The following DESI1 variants were observed in gnomAD, a reference collection of about 807,000 sequenced individuals.
DESI1 encodes the protein PPPDE peptidase domain containing 2.
A neutral mutation model predicts 22.4 loss-of-function variants in DESI1; 17 were observed. The observed-to-expected ratio is 0.76, with a 90% CI of 0.52 to 1.14. The LOEUF is 1.14. Ranked by LOEUF, DESI1 falls within the 50% of genes most tolerant of loss-of-function variation. The pLI is 0.00. For synonymous variants in DESI1, 92 were observed against 84.2 expected, an observed-to-expected ratio of 1.09 and a Z score of -0.51; for missense variants, 177 against 208.9, an observed-to-expected ratio of 0.85 and a Z score of 0.94.
rs565178065 is a variant in DESI1, at chr22:41,601,978, TG to T, written c.414-789del. 1.4e-3 allele frequency: 225 copies of T among 159,638 alleles called. 1 individual carries two copies. The highest frequency in any genetic ancestry group is 1.9e-3 in the Non-Finnish European group (139 of 74,660). The allele number at this position is 159,638 out of a possible 1,614,324, so 9.9% of individuals were successfully genotyped here. Reference sequence around the variant, plus strand: ...TGCCTGCCTCGGCCTCCCAAAGTGCTGGGATTACAGGCATAAGCCACTGGGC... The same window carrying T: ...TGCCTGCCTCGGCCTCCCAAAGTGCTGGATTACAGGCATAAGCCACTGGGC... On this transcript the variant is annotated intron_variant, in intron 5 of 5. Coordinates refer to ENST00000263256, the MANE Select transcript of DESI1 (RefSeq NM_015704.3).
intron 1 of DESI1, among the ~76,000 whole-genome samples, chr22:41,616,249 A>G (rs1170075339): frequency 3.3e-5 from 5 of 152,170 alleles, no homozygotes; most frequent in Non-Finnish European, 1.5e-5. Flanking sequence ...GCCTCAAAAA[A>G]AGAAAAATTC....
chr22:41,606,372 T>G (rs934522243), intron 3 of DESI1, among the ~76,000 whole-genome samples: 6 of 147,408 alleles, frequency 4.1e-5, no homozygotes, highest in African/African-American at 1.5e-4. Context: ...AAAAAAAAAA[T>G]CCTTCCTGTA....
chr22:41,611,807 G>T (rs2067519275), intron 1 of DESI1, among the ~76,000 whole-genome samples: 1 of 151,866 alleles, frequency 6.6e-6, no homozygotes, highest in African/African-American at 2.4e-5. Flanking sequence ...TGGCCAGGCT[G>T]GTCTTAAACT....
rs373513412 is a variant in DESI1, at chr22:41,607,291, C to A, written c.151G>T (p.Gly51Cys). 3 of 1,612,150 alleles carry A rather than the reference C, an allele frequency of 1.9e-6. No individual in the cohort carries two copies. The South Asian group carries it at 3.3e-5, about 18-fold the overall frequency. ...IVVHKDEFFF[G>C]SGGISSCPPG... ...GGGCAGCTGGAGATACCACCACTGC[C>A]GAAGAAGAACTCATCCTTGTGCACA... Residue 51 changes from glycine to cysteine, a missense_variant, in exon 3 of 6, where the codon GGC (glycine) becomes TGC (cysteine). Transcript: ENST00000263256.
chr22:41,601,293 G>T, intron 5 of DESI1, 103 bp from the exon 6 acceptor site: 1 of 988,508 alleles, frequency 1.0e-6, no homozygotes, highest in Non-Finnish European at 1.5e-6. Context: ...GGCGCTGGTG[G>T]CAGCAGAAGC....
At chr22:41,604,242 T>C in intron 3 of DESI1, 89 bp from the exon 4 acceptor site, 1 of 812,974 alleles carries the variant, frequency 1.2e-6, no homozygotes, top group East Asian at 3.2e-5. Flanking sequence ...ACAAACACTC[T>C]GTTCTGACTT....
chr22:41,612,226 G>A (rs1487388157), intron 1 of DESI1, among the ~76,000 whole-genome samples: 2 of 152,016 alleles, frequency 1.3e-5, no homozygotes, highest in Admixed American at 6.6e-5. Flanking sequence ...AGGTTAAGGG[G>A]GTCTGGGCGT....
chr22:41,600,956 G>A lies in DESI1; in HGVS notation c.*141C>T, dbSNP rs545369357. The A allele has an allele frequency of 4.0e-6, 3 of 741,818 alleles. No homozygotes were observed. Among genetic ancestry groups the A allele is most frequent in the African/African-American group, 1.8e-5 (1 of 56,224 alleles). The allele number at this position is 741,818 out of a possible 1,614,324, so 46.0% of individuals were successfully genotyped here. A position where few individuals can be genotyped will look rare whatever the true frequency, so the allele number is the denominator to read the frequency against. On this transcript the variant is annotated 3_prime_UTR_variant, in exon 6 of 6. Coordinates refer to ENST00000263256, the MANE Select transcript of DESI1 (RefSeq NM_015704.3). ...CAGCATTGTCTACATGCGGCCTGAC[G>A]GTCTCCTTCCCTGGGAAATTTAAAA...
intron 4 of DESI1, among the ~76,000 whole-genome samples, chr22:41,603,816 A>T (rs1341782895): frequency 6.6e-6 from 1 of 152,222 alleles, no homozygotes. Context: ...AAAAGCCCTT[A>T]TTTCCTCTAA....
At chr22:41,612,645 G>C (rs2067524823) in intron 1 of DESI1, among the ~76,000 whole-genome samples, 1 of 151,282 alleles carries the variant, frequency 6.6e-6, no homozygotes, top group Non-Finnish European at 1.5e-5. Context: ...ACTCAGGGTG[G>C]AGTGCAGTAA....
In DESI1 at chr22:41,607,306, C is replaced by T; in HGVS notation, c.136G>A (p.Asp46Asn). The T allele has an allele frequency of 6.2e-7, 1 of 1,612,872 alleles. No homozygotes were observed. The highest frequency in any genetic ancestry group is 8.5e-7 in the Non-Finnish European group (1 of 1,179,420). Reference sequence around the variant, plus strand: ...CCACCACTGCCGAAGAAGAACTCATCCTTGTGCACAACTATGGATGTGTGC... The same window carrying T: ...CCACCACTGCCGAAGAAGAACTCATTCTTGTGCACAACTATGGATGTGTGC... The part of the protein sequence containing the change: ...IWHTSIVVHK[D>N]EFFFGSGGIS... The change falls in exon 3 of 6, where the codon GAT becomes AAT. Residue 46 changes from aspartate to asparagine, a missense_variant. Asp to Asn is a conservative substitution (Grantham distance 23). Coordinates refer to ENST00000263256, the MANE Select transcript of DESI1 (RefSeq NM_015704.3).
intron 3 of DESI1, 33 bp from the exon 4 acceptor site, chr22:41,604,186 T>C: frequency 1.3e-6 from 2 of 1,598,482 alleles, no homozygotes; most frequent in Non-Finnish European, 8.6e-7. Context: ...AGTCATTAAG[T>C]TACCATCTCC....
chr22:41,604,029 CCT>C lies in DESI1; in HGVS notation c.290+13_290+14del, dbSNP rs1316384295. ...GAGACAGACACAACTAACCACCACC[CCT>C]GTCTCCACTCACCGGAACAGGGACT... On this transcript the variant is annotated intron_variant, in intron 4 of 5. Coordinates refer to ENST00000263256, the MANE Select transcript of DESI1 (RefSeq NM_015704.3). The C allele has an allele frequency of 4.4e-6, 7 of 1,607,702 alleles. No homozygotes were observed. The Admixed American group carries it at 6.7e-5, about 15-fold the overall frequency.
At chr22:41,608,110 T>C (rs998274757) in intron 1 of DESI1, among the ~76,000 whole-genome samples, 21 of 152,254 alleles carry the variant, frequency 1.4e-4, no homozygotes, top group African/African-American at 4.8e-4. Context: ...CCCAGTTTTA[T>C]GTCTGCTATT....
At position 41,607,996 on chromosome 22, in the gene DESI1, C is replaced by A. The variant is rs2067492980; in HGVS notation, c.89-135G>T. The A allele has an allele frequency of 1.4e-5, 12 of 874,710 alleles. 1 individual carries two copies. In the South Asian group the frequency reaches 1.5e-4, roughly 11 times the overall value. 54.2% of individuals were successfully genotyped at this position (874,710 alleles called of 1,614,324 possible). A position where few individuals can be genotyped will look rare whatever the true frequency, so the allele number is the denominator to read the frequency against. ...TGAGGGACTTTCTAGGAATGCAAGT[C>A]CCCTCCAGTAAGGTCTTTAGGTTGT... On this transcript the variant is annotated intron_variant, in intron 1 of 5. Coordinates refer to ENST00000263256, the MANE Select transcript of DESI1 (RefSeq NM_015704.3).
Position 41,603,314 on chromosome 22 carries a change from T to A in DESI1, c.358A>T (p.Thr120Ser). The stretch of plus-strand genomic sequence containing the variant: ...ATGTAAGAAGGAATCTTCCGCCCAG[T>A]CAGGAACTGTGCCACTTCGTTGCTG... ...TFSNEVAQFL[T>S]GRKIPSYITD... Residue 120 changes from threonine to serine, a missense_variant, in exon 5 of 6, where the codon ACT becomes TCT. Physicochemically the swap from Thr to Ser is moderately conservative, Grantham distance 58. Coordinates refer to ENST00000263256, the MANE Select transcript of DESI1 (RefSeq NM_015704.3). The A allele has an allele frequency of 6.2e-7, 1 of 1,614,234 alleles. No homozygotes were observed. Among genetic ancestry groups the A allele is most frequent in the Non-Finnish European group, 8.5e-7 (1 of 1,180,046 alleles).
At chr22:41,608,833 A>C (rs1040103250) in intron 1 of DESI1, among the ~76,000 whole-genome samples, 2 of 152,212 alleles carry the variant, frequency 1.3e-5, no homozygotes, top group Non-Finnish European at 2.9e-5. Flanking sequence ...GAGGAAGGGC[A>C]TTGAAAGACG....
At position 41,607,350 on chromosome 22, in the gene DESI1, C is replaced by T; in HGVS notation, c.111-19G>A. 1 of 1,586,754 alleles carries T rather than the reference C, an allele frequency of 6.3e-7. No individual in the cohort carries two copies. On this transcript the variant is annotated intron_variant, in intron 2 of 5. Transcript: ENST00000263256. ...TGTGTGCCTGTCACACAGAGAGAGA[C>T]ACAGTAAGCCAGAAAACTTAAACTT...
Position 41,601,189 on chromosome 22 carries a change from G to C in DESI1, c.415C>G (p.Pro139Ala), listed in dbSNP as rs1206070066. The C allele has an allele frequency of 6.2e-7, 1 of 1,607,532 alleles. No individual in the cohort carries two copies. Reference sequence around the variant, plus strand: ...AGGGGCCGAAGTGCCTGTCCAAAGGGCCTGCAAGGAAACAGAGACATGAGA... The same window carrying C: ...AGGGGCCGAAGTGCCTGTCCAAAGGCCCTGCAAGGAAACAGAGACATGAGA... ...TDLPSEVLST[P>A]FGQALRPLLD... Residue 139 changes from proline (P) to alanine (A), a missense_variant and splice_region_variant, in exon 6 of 6, where the codon CCC (proline) becomes GCC (alanine). Coordinates refer to ENST00000263256, the MANE Select transcript of DESI1 (RefSeq NM_015704.3).
Sources: gnomAD v4.1 joint callset for allele counts (sites outside exome capture counted in the v4.1 genomes callset) on GRCh38, gnomAD v4.1.1 for gene constraint, MANE v1.5 for transcripts, NCBI Gene and HGNC (gene_info 2026-07-23, HGNC 2026-07-21) for gene names.